The following MEIKIN variants were observed in gnomAD, a reference collection of about 807,000 sequenced individuals.
The protein encoded by MEIKIN is meiotic kinetochore factor, also known as meiosis-specific kinetochore protein.
chr5:131,869,117 A>T (rs1750439932), intron 9 of MEIKIN, among the ~76,000 whole-genome samples: 1 of 152,200 alleles, frequency 6.6e-6, no homozygotes, highest in African/African-American at 2.4e-5. Context: ...TTTGCATTTT[A>T]CATTTAGGTC....
At chr5:131,919,387 G>A (rs1469790094) in intron 6 of MEIKIN, among the ~76,000 whole-genome samples, 1 of 152,090 alleles carries the variant, frequency 6.6e-6, no homozygotes, top group Non-Finnish European at 1.5e-5. Flanking sequence ...AATCTACCTT[G>A]AAGACACACT....
At chr5:131,942,086 A>T (rs192494539) in intron 4 of MEIKIN, among the ~76,000 whole-genome samples, 446 of 152,338 alleles carry the variant, frequency 2.9e-3, no homozygotes, top group Non-Finnish European at 5.4e-3. Flanking sequence ...ATTCTCTATT[A>T]AAATGACTTC....
chr5:131,826,320 TAAAC>T (rs900267841), intron 11 of MEIKIN, among the ~76,000 whole-genome samples: 1 of 152,106 alleles, frequency 6.6e-6, no homozygotes, highest in African/African-American at 2.4e-5. Context: ...ATATGTAATA[TAAAC>T]AAACATTGTC....
chr5:131,943,764 G>A (rs1445470946), intron 3 of MEIKIN, among the ~76,000 whole-genome samples: 1 of 151,996 alleles, frequency 6.6e-6, no homozygotes, highest in Non-Finnish European at 1.5e-5. Flanking sequence ...TTAAAAAAAT[G>A]TCTTGTGTTG....
intron 9 of MEIKIN, among the ~76,000 whole-genome samples, chr5:131,863,399 G>T (rs772033399): frequency 2.0e-5 from 3 of 152,060 alleles, no homozygotes; most frequent in Non-Finnish European, 4.4e-5. Context: ...GGGTGTTGAA[G>T]TCTCCCCCAT....
In MEIKIN at chr5:131,869,542, C is replaced by T. The variant is rs568342163; in HGVS notation, c.774+9436G>A. Among the ~76,000 whole-genome samples, 7 of 152,286 alleles carry T rather than the reference C, an allele frequency of 4.6e-5. No homozygotes were observed. In the South Asian group the frequency reaches 1.5e-3, roughly 32 times the overall value. On this transcript the variant is annotated intron_variant, in intron 9 of 12. Transcript: ENST00000442687. The stretch of plus-strand genomic sequence containing the variant: ...CCAGCAGGTTAGGTTCTGAAAAATA[C>T]TTTCTCCTGAGGCCAGGCCTTGTTA...
intron 8 of MEIKIN, among the ~76,000 whole-genome samples, chr5:131,901,522 C>G (rs982202940): frequency 5.9e-5 from 9 of 152,312 alleles, no homozygotes; most frequent in African/African-American, 1.9e-4. Flanking sequence ...TGCTGCACTG[C>G]CACTGCTGCT....
intron 9 of MEIKIN, among the ~76,000 whole-genome samples, chr5:131,870,502 C>T (rs1052366004): frequency 4.6e-5 from 7 of 151,988 alleles, no homozygotes; most frequent in Admixed American, 1.3e-4. Flanking sequence ...CCCGTTTCCA[C>T]GACTTAAAAA....
intron 11 of MEIKIN, among the ~76,000 whole-genome samples, chr5:131,832,631 G>A (rs770394619): frequency 2.2e-4 from 34 of 152,074 alleles, no homozygotes; most frequent in Non-Finnish European, 4.6e-4. Context: ...TGAGAAACCC[G>A]CCCTTGCAGC....
chr5:131,856,957 T>C (rs1750206386), intron 9 of MEIKIN, among the ~76,000 whole-genome samples: 1 of 151,420 alleles, frequency 6.6e-6, no homozygotes, highest in African/African-American at 2.4e-5. Flanking sequence ...TTTTTATTTA[T>C]TTATTTATTT....
intron 8 of MEIKIN, among the ~76,000 whole-genome samples, chr5:131,888,585 A>G (rs1383010563): frequency 1.3e-5 from 2 of 151,624 alleles, no homozygotes; most frequent in East Asian, 1.9e-4. Flanking sequence ...AATTTGTTTG[A>G]GTTCATTGTA....
At chr5:131,943,284 A>G (rs1751905017) in intron 3 of MEIKIN, among the ~76,000 whole-genome samples, 2 of 152,182 alleles carry the variant, frequency 1.3e-5, no homozygotes, top group Admixed American at 6.5e-5. Context: ...TCTATTTCAT[A>G]TATATACACA....
Position 131,830,302 on chromosome 5 carries a change from C to T in MEIKIN, c.976-11439G>A, listed in dbSNP as rs955783838. 7.9e-5 allele frequency among the ~76,000 whole-genome samples: 12 copies of T among 152,122 alleles called. No homozygotes were observed. In the East Asian group the frequency reaches 1.2e-3, roughly 15 times the overall value. ...GTCCCAGCTACTTGGGAGGCTGAGG[C>T]GAGAGGATCAATTGAGCCTGGGAGG... On this transcript the variant is annotated intron_variant, in intron 11 of 12. Transcript: ENST00000442687.
intron 11 of MEIKIN, among the ~76,000 whole-genome samples, chr5:131,822,022 ACC>A (rs1221528122): frequency 6.6e-6 from 1 of 151,730 alleles, no homozygotes; most frequent in Non-Finnish European, 1.5e-5. Flanking sequence ...TACTGAACTG[ACC>A]CCTTTATCTT....
rs1337691542 is a variant in MEIKIN, at chr5:131,851,304, A to G, written c.935T>C (p.Ile312Thr). ...TTCCTGCAAACTTGACACAGGAACA[A>G]TTTCATTTGAATTAACATAATTGCT... ...NVSNYVNSNE[I>T]VPVSSLQENS... Residue 312 changes from isoleucine (I) to threonine (T), a missense_variant, in exon 11 of 13, where the codon ATT becomes ACT. By Grantham distance (89) the Ile-to-Thr change is moderately conservative (BLOSUM62 -1). Coordinates refer to ENST00000442687, the MANE Select transcript of MEIKIN (RefSeq NM_001303622.2). 2 of 398,124 alleles carry G rather than the reference A, an allele frequency of 5.0e-6. No homozygotes were observed. Among genetic ancestry groups the G allele is most frequent in the Non-Finnish European group, 8.9e-6 (2 of 225,590 alleles). The allele number at this position is 398,124 out of a possible 1,614,324, so 24.7% of individuals were successfully genotyped here.
intron 9 of MEIKIN, among the ~76,000 whole-genome samples, chr5:131,863,271 T>C (rs1750318788): frequency 6.6e-6 from 1 of 152,202 alleles, no homozygotes; most frequent in Non-Finnish European, 1.5e-5. Flanking sequence ...ATTCTGCAGT[T>C]GTTGGCTAAA....
chr5:131,891,616 T>C (rs918396490), intron 8 of MEIKIN, among the ~76,000 whole-genome samples: 2 of 152,158 alleles, frequency 1.3e-5, no homozygotes, highest in Non-Finnish European at 2.9e-5. Flanking sequence ...TGTCTCTGCA[T>C]GTGAGATGGG....
chr5:131,829,346 G>C (rs1259633251), intron 11 of MEIKIN, among the ~76,000 whole-genome samples: 1 of 152,178 alleles, frequency 6.6e-6, no homozygotes, highest in Admixed American at 6.5e-5. Flanking sequence ...TGGAAGATTA[G>C]CTCCTAAACT....
At chr5:131,924,352 T>G (rs1751555230) in intron 5 of MEIKIN, among the ~76,000 whole-genome samples, 1 of 152,242 alleles carries the variant, frequency 6.6e-6, no homozygotes, top group Admixed American at 6.5e-5. Flanking sequence ...CAGGGATTGA[T>G]GGACCACATG....
Sources: allele counts gnomAD v4.1 joint callset (sites outside exome capture counted in the v4.1 genomes callset), GRCh38; gene constraint gnomAD v4.1.1; transcripts MANE v1.5; gene names NCBI Gene and HGNC (gene_info 2026-07-23, HGNC 2026-07-21).